CALN1: variants seen among roughly 807,000 people sequenced by gnomAD.
CALN1 encodes calcium-binding protein 8.
In CALN1, 17 loss-of-function variants were observed where a neutral mutation model predicts 30.6. The observed-to-expected ratio is 0.56, with a 90% CI of 0.38 to 0.83. The LOEUF is 0.83. Ranked by LOEUF, CALN1 falls within the 40% of genes least tolerant of loss-of-function variation. CALN1 has a pLI of 0.00. For synonymous variants in CALN1, 156 were observed against 131.4 expected, an observed-to-expected ratio of 1.19 and a Z score of -1.28; for missense variants, 291 against 354.9, an observed-to-expected ratio of 0.82 and a Z score of 1.45.
intron 5 of CALN1, among the ~76,000 whole-genome samples, chr7:71,832,995 A>G (rs906606674): frequency 3.9e-5 from 6 of 152,170 alleles, no homozygotes; most frequent in Non-Finnish European, 7.3e-5. Flanking sequence ...CATTCTACTT[A>G]GTGGCTGCTC....
At chr7:72,423,952 AGGG>A in intron 1 of CALN1, among the ~76,000 whole-genome samples, 1 of 82,410 alleles carries the variant, frequency 1.2e-5, no homozygotes, top group East Asian at 6.1e-4. Flanking sequence ...GAAAGAAAGA[AGGG>A]AGGGAGGGAG....
intron 5 of CALN1, among the ~76,000 whole-genome samples, chr7:71,920,046 CA>C: frequency 6.6e-6 from 1 of 152,282 alleles, no homozygotes; most frequent in South Asian, 2.1e-4. Flanking sequence ...GTACAATGTT[CA>C]AAAGCATATG....
chr7:72,275,567 A>C (rs1269086136), intron 3 of CALN1, among the ~76,000 whole-genome samples: 1 of 152,180 alleles, frequency 6.6e-6, no homozygotes, highest in African/African-American at 2.4e-5. Context: ...GTCAGAAAAT[A>C]AATGGCCCTT....
chr7:72,170,745 CAGAG>C (rs1204963275), intron 3 of CALN1, among the ~76,000 whole-genome samples: 1 of 152,136 alleles, frequency 6.6e-6, no homozygotes, highest in Non-Finnish European at 1.5e-5. Flanking sequence ...CAAAGTCATT[CAGAG>C]AGAGAGACCA....
intron 3 of CALN1, among the ~76,000 whole-genome samples, chr7:72,263,536 T>C (rs1796413620): frequency 6.6e-6 from 1 of 152,092 alleles, no homozygotes; most frequent in African/African-American, 2.4e-5. Flanking sequence ...ACTTGGACTA[T>C]AGGTACCCAC....
At chr7:71,847,698 GAAGA>G (rs1790353261) in intron 5 of CALN1, among the ~76,000 whole-genome samples, 1 of 111,176 alleles carries the variant, frequency 9.0e-6, no homozygotes, top group Non-Finnish European at 1.7e-5. Context: ...AAAGGAGGAA[GAAGA>G]AAGAAGAAAG....
At chr7:71,865,753 T>A (rs1791547321) in intron 5 of CALN1, among the ~76,000 whole-genome samples, 1 of 152,220 alleles carries the variant, frequency 6.6e-6, no homozygotes. Context: ...TTGAGTTTAT[T>A]TATAGTTAAA....
At chr7:72,498,243 T>C in the CALN1 span, among the ~76,000 whole-genome samples, 11 of 152,048 alleles carry the variant, frequency 7.2e-5, no homozygotes, top group African/African-American at 2.4e-5. Flanking sequence ...GAGGAGGGAA[T>C]AGAATCGAGA....
rs373315323 is a variant in CALN1, at chr7:72,194,422, C to T, written c.244+84264G>A. On this transcript the variant is annotated intron_variant, in intron 3 of 6. Coordinates refer to ENST00000395275, the MANE Select transcript of CALN1 (RefSeq NM_031468.4). Reference sequence around the variant, plus strand: ...GTACATGCGTGTAATCCCAGCTACTCGGGAGGCTGAGGCAGGAGAATCACT... The same window carrying T: ...GTACATGCGTGTAATCCCAGCTACTTGGGAGGCTGAGGCAGGAGAATCACT... 5.3e-5 allele frequency among the ~76,000 whole-genome samples: 8 copies of T among 152,010 alleles called. No homozygotes were observed. The East Asian group carries it at 1.4e-3, about 26-fold the overall frequency.
chr7:72,160,340 G>A (rs562322082), intron 3 of CALN1, among the ~76,000 whole-genome samples: 2 of 150,856 alleles, frequency 1.3e-5, no homozygotes, highest in African/African-American at 4.9e-5. Context: ...GTGCAGTAGT[G>A]CAATCTAGTG....
intron 3 of CALN1, among the ~76,000 whole-genome samples, chr7:72,243,235 C>G (rs1199522137): frequency 1.3e-5 from 2 of 152,320 alleles, no homozygotes; most frequent in South Asian, 4.1e-4. Context: ...TGTGAGGACA[C>G]AGCAAGAAGG....
At chr7:72,247,433 G>A (rs1353079347) in intron 3 of CALN1, among the ~76,000 whole-genome samples, 2 of 151,264 alleles carry the variant, frequency 1.3e-5, no homozygotes, top group African/African-American at 2.4e-5. Flanking sequence ...ATTTTTAGTA[G>A]AGACGGGTTT....
At chr7:72,032,907 A>G (rs1801553178) in intron 4 of CALN1, among the ~76,000 whole-genome samples, 1 of 152,160 alleles carries the variant, frequency 6.6e-6, no homozygotes, top group African/African-American at 2.4e-5. Context: ...TTACAGAATC[A>G]CATGCCCCCA....
intron 2 of CALN1, among the ~76,000 whole-genome samples, chr7:72,313,247 T>C (rs757819971): frequency 3.0e-4 from 46 of 152,102 alleles, no homozygotes; most frequent in Non-Finnish European, 5.3e-4. Flanking sequence ...GGTAATTCGG[T>C]ACATAACAAA....
rs1455537437 is a variant in CALN1, at chr7:72,262,449, CCAAA to C, written c.244+16233_244+16236del. On this transcript the variant is annotated intron_variant, in intron 3 of 6. Transcript: ENST00000395275. ...GTTTGGGCTTTGATGGAACCATCAC[CCAAA>C]CAGTTAACACAGTACTACTCAAATA... Among the ~76,000 whole-genome samples the C allele has an allele frequency of 3.3e-5, 5 of 152,212 alleles. No homozygotes were observed. In the East Asian group the frequency reaches 7.7e-4, roughly 24 times the overall value.
At chr7:71,823,604 C>G (rs557946781) in intron 5 of CALN1, among the ~76,000 whole-genome samples, 31 of 152,014 alleles carry the variant, frequency 2.0e-4, no homozygotes, top group Middle Eastern at 3.4e-3. Context: ...TGTAGTCCCA[C>G]CTACTTGGGA....
At chr7:72,459,458 C>T in the CALN1 span, among the ~76,000 whole-genome samples, 2 of 152,056 alleles carry the variant, frequency 1.3e-5, no homozygotes, top group African/African-American at 4.8e-5. Context: ...CACTGCATAT[C>T]TGCCTGCAGA....
At chr7:72,279,203 G>A (rs375181968) in intron 2 of CALN1, among the ~76,000 whole-genome samples, 1 of 152,264 alleles carries the variant, frequency 6.6e-6, no homozygotes, top group Non-Finnish European at 1.5e-5. Flanking sequence ...CAGAAGTGTA[G>A]GGATGCCCAG....
intron 3 of CALN1, among the ~76,000 whole-genome samples, chr7:72,247,222 T>A (rs1279322135): frequency 1.1e-5 from 1 of 90,014 alleles, no homozygotes; most frequent in Non-Finnish European, 2.2e-5. Context: ...CAGACCATTT[T>A]CTTTCTTTTT....
Sources: allele counts gnomAD v4.1 joint callset (sites outside exome capture counted in the v4.1 genomes callset), GRCh38; gene constraint gnomAD v4.1.1; transcripts MANE v1.5; gene names NCBI Gene and HGNC (gene_info 2026-07-23, HGNC 2026-07-21).